Variants in ERBB4 observed in about 807,000 individuals in gnomAD.
ERBB4 encodes receptor tyrosine-protein kinase erbB-4.
ERBB4 carries 42 observed loss-of-function variants against 158.0 expected under a neutral mutation model. That is an observed-to-expected ratio of 0.27 (90% CI 0.21 to 0.34). ERBB4 has a LOEUF of 0.34. ERBB4 is among the 10% of genes least tolerant of loss of function. The pLI, the probability that ERBB4 is intolerant of heterozygous loss-of-function variation, is 1.00. For synonymous variants in ERBB4, 583 were observed against 558.7 expected, an observed-to-expected ratio of 1.04 and a Z score of -0.61; for missense variants, 1,333 against 1,624.1, an observed-to-expected ratio of 0.82 and a Z score of 3.08.
chr2:211,390,640 T>G (rs2062780908), intron 25 of ERBB4, among the ~76,000 whole-genome samples: 1 of 152,188 alleles, frequency 6.6e-6, no homozygotes, highest in African/African-American at 2.4e-5. Flanking sequence ...GGCAACGGAT[T>G]AAAACAACTG....
At chr2:212,512,080 T>C (rs1691552724) in intron 1 of ERBB4, among the ~76,000 whole-genome samples, 1 of 152,108 alleles carries the variant, frequency 6.6e-6, no homozygotes, top group Non-Finnish European at 1.5e-5. Flanking sequence ...AGAAATGAAA[T>C]GACGATAATA....
At chr2:211,604,138 G>A (rs752497193) in intron 19 of ERBB4, among the ~76,000 whole-genome samples, 12 of 152,134 alleles carry the variant, frequency 7.9e-5, no homozygotes, top group Admixed American at 1.3e-4. Flanking sequence ...AATTAAAAAT[G>A]CCAGTTATCA....
At chr2:211,384,253 TATA>T (rs2062637956) in intron 27 of ERBB4, among the ~76,000 whole-genome samples, 193 bp from the exon 28 acceptor site, 2 of 152,172 alleles carry the variant, frequency 1.3e-5, no homozygotes, top group Non-Finnish European at 1.5e-5. Context: ...CAAAAATGTT[TATA>T]ATAAAACAAG....
chr2:212,442,303 C>T (rs1216515115), intron 1 of ERBB4, among the ~76,000 whole-genome samples: 2 of 152,166 alleles, frequency 1.3e-5, no homozygotes, highest in Non-Finnish European at 2.9e-5. Context: ...TTCCATACTT[C>T]AGTCACTTTA....
intron 20 of ERBB4, among the ~76,000 whole-genome samples, chr2:211,554,376 C>G (rs986022337): frequency 5.3e-5 from 8 of 152,160 alleles, no homozygotes; most frequent in Admixed American, 3.9e-4. Flanking sequence ...AAGGATATGC[C>G]AGGTGTGTAA....
intron 4 of ERBB4, among the ~76,000 whole-genome samples, chr2:211,759,806 AGT>A (rs67981670): frequency 0.05 from 7,527 of 149,936 alleles, 347 homozygotes; most frequent in African/African-American, 0.12. Flanking sequence ...CATTTTCTAG[AGT>A]GTGTGTGTGT....
chr2:212,107,348 C>T (rs1301139659), intron 2 of ERBB4, among the ~76,000 whole-genome samples: 3 of 152,168 alleles, frequency 2.0e-5, no homozygotes, highest in Non-Finnish European at 4.4e-5. Flanking sequence ...GGTTGCCCTG[C>T]TGGATTTTGG....
chr2:211,809,094 C>G (rs540388923), intron 3 of ERBB4, among the ~76,000 whole-genome samples: 1 of 152,274 alleles, frequency 6.6e-6, no homozygotes, highest in Admixed American at 6.5e-5. Flanking sequence ...TTGACTTCCT[C>G]TTTTCCTAAT....
intron 7 of ERBB4, among the ~76,000 whole-genome samples, chr2:211,716,545 G>A (rs1483378416): frequency 6.0e-5 from 9 of 149,726 alleles, no homozygotes; most frequent in East Asian, 3.9e-4. Context: ...GCCTGGTGGC[G>A]GGCGCCTGTA....
At chr2:211,448,697 A>C (rs761186963) in intron 20 of ERBB4, among the ~76,000 whole-genome samples, 5 of 152,180 alleles carry the variant, frequency 3.3e-5, no homozygotes, top group Non-Finnish European at 5.9e-5. Context: ...CCATCAATTT[A>C]CACTTTTAAG....
At chr2:212,022,369 C>T (rs1161431606) in intron 2 of ERBB4, among the ~76,000 whole-genome samples, 11 of 152,102 alleles carry the variant, frequency 7.2e-5, no homozygotes, top group Admixed American at 1.3e-4. Flanking sequence ...GGAACCAGAT[C>T]GTGTCATTTG....
chr2:211,885,418 GA>G (rs1390689423), intron 3 of ERBB4, among the ~76,000 whole-genome samples: 3 of 151,868 alleles, frequency 2.0e-5, no homozygotes, highest in Non-Finnish European at 4.4e-5. Context: ...AAGAATAATG[GA>G]AGATCTGTAG....
In ERBB4 at chr2:211,773,630, AT is replaced by A. The variant is rs1314998964; in HGVS notation, c.556+14394del. 4.0e-3 allele frequency among the ~76,000 whole-genome samples: 201 copies of A among 49,896 alleles called. 6 individuals carry two copies. Among genetic ancestry groups the A allele is most frequent in the African/African-American group, 0.019 (176 of 9,432 alleles). 32.7% of individuals were successfully genotyped at this position (49,896 alleles called of 152,430 possible). ...TATATATATATATATATATATATATATATATATATATATATATAATATATAT... is the reference window on the plus strand; with the variant it reads ...TATATATATATATATATATATATATAATATATATATATATATAATATATAT... On this transcript the variant is annotated intron_variant, in intron 4 of 27. Transcript: ENST00000342788.
At chr2:212,043,920 A>G (rs555476051) in intron 2 of ERBB4, among the ~76,000 whole-genome samples, 1 of 152,250 alleles carries the variant, frequency 6.6e-6, no homozygotes, top group East Asian at 1.9e-4. Flanking sequence ...CTCAATAAAT[A>G]TTACATATTA....
intron 2 of ERBB4, among the ~76,000 whole-genome samples, chr2:211,964,718 C>A (rs187236412): frequency 6.6e-6 from 1 of 152,060 alleles, no homozygotes; most frequent in Non-Finnish European, 1.5e-5. Context: ...CCTCAAATCC[C>A]TGTTAGAAAG....
intron 1 of ERBB4, among the ~76,000 whole-genome samples, chr2:212,510,491 G>A (rs1365457291): frequency 6.6e-6 from 1 of 151,618 alleles, no homozygotes; most frequent in Non-Finnish European, 1.5e-5. Context: ...TTGGCTAAAG[G>A]GTTTTCCATA....
rs143432331 is a variant in ERBB4 at position 211,944,053 on chromosome 2, C to CAT, written c.421+3375_421+3376dup. 4.3e-3 allele frequency among the ~76,000 whole-genome samples: 579 copies of CAT among 135,244 alleles called. 4 individuals carry two copies. Among genetic ancestry groups the CAT allele is most frequent in the Admixed American group, 0.012 (156 of 12,882 alleles). 88.7% of individuals were successfully genotyped at this position (135,244 alleles called of 152,430 possible). A position where few individuals can be genotyped will look rare whatever the true frequency, so the allele number is the denominator to read the frequency against. The stretch of plus-strand genomic sequence containing the variant: ...AAAAGATTTAAGTAGAAACGCAAAC[C>CAT]ATATATATATATATACACATGGTTA... On this transcript the variant is annotated intron_variant, in intron 3 of 27. Coordinates refer to ENST00000342788, the MANE Select transcript of ERBB4 (RefSeq NM_005235.3).
At chr2:212,131,648 T>A (rs551066352) in intron 1 of ERBB4, among the ~76,000 whole-genome samples, 1 of 152,212 alleles carries the variant, frequency 6.6e-6, no homozygotes, top group African/African-American at 2.4e-5. Context: ...TAGCAGATTC[T>A]ATCAATATTA....
chr2:212,284,340 C>A (rs1574596080), intron 1 of ERBB4, among the ~76,000 whole-genome samples: 1 of 152,202 alleles, frequency 6.6e-6, no homozygotes, highest in South Asian at 2.1e-4. Flanking sequence ...CTAATTAGCT[C>A]TTGATAGATC....
Sources: allele counts gnomAD v4.1 joint callset (sites outside exome capture counted in the v4.1 genomes callset), GRCh38; gene constraint gnomAD v4.1.1; transcripts MANE v1.5; gene names NCBI Gene and HGNC (gene_info 2026-07-23, HGNC 2026-07-21).